Variants in TNS1 observed in about 807,000 individuals in gnomAD.
The protein encoded by TNS1 is tensin-1.
Under a neutral mutation model 168.6 loss-of-function variants are expected in TNS1, and 62 were observed. The ratio of observed to expected loss-of-function variants is 0.37; its 90% CI spans 0.30 to 0.45. TNS1 has a LOEUF of 0.45. Ranked by LOEUF, TNS1 falls within the 20% of genes least tolerant of loss-of-function variation. The pLI, the probability that TNS1 is intolerant of heterozygous loss-of-function variation, is 1.00. For missense variants in TNS1, 2,240 were observed against 2,339.4 expected (o/e 0.96, Z 0.88); for synonymous variants, 934 against 933.2 (o/e 1.00, Z -0.02).
chr2:217,906,679 C>A (rs989060158), intron 5 of TNS1, among the ~76,000 whole-genome samples: 13 of 152,108 alleles, frequency 8.5e-5, no homozygotes, highest in Non-Finnish European at 1.8e-4. Flanking sequence ...ATAATTAGAA[C>A]CTTGGCAGAG....
At position 217,848,656 on chromosome 2, in the gene TNS1, G is replaced by C; in HGVS notation, c.1861C>G (p.Arg621Gly). 6.2e-7 allele frequency: 1 copy of C among 1,614,198 alleles called. No homozygotes were observed. The highest frequency in any genetic ancestry group is 8.5e-7 in the Non-Finnish European group (1 of 1,180,032). ...HVNGGALASE[R>G]ETDILDDELP... ...TCATCGTCCAGGATGTCTGTCTCCC[G>C]CTCAGATGCTAACGCCCCACCATTG... The change falls in exon 19 of 33, where the codon CGG (arginine) becomes GGG (glycine). Residue 621 changes from arginine to glycine, a missense_variant. Transcript: ENST00000682258.
chr2:217,822,603 C>G (rs567086497), intron 22 of TNS1, among the ~76,000 whole-genome samples: 4 of 152,252 alleles, frequency 2.6e-5, no homozygotes, highest in Non-Finnish European at 5.9e-5. Context: ...TCGCCCACCT[C>G]TGGCATTCCT....
At chr2:217,890,381 G>A (rs1477729157) in intron 12 of TNS1, 1 of 152,592 alleles carries the variant, frequency 6.6e-6, no homozygotes, top group Non-Finnish European at 1.5e-5. Context: ...ACTTTTTCCT[G>A]TTCACCCAGA....
At chr2:217,898,020 G>T (rs567655513) in intron 7 of TNS1, 51 bp from the exon 8 acceptor site, 5 of 1,540,102 alleles carry the variant, frequency 3.2e-6, no homozygotes, top group Non-Finnish European at 4.4e-6. Context: ...CAGCCCACAG[G>T]GAAGGCCCCA....
intron 27 of TNS1, 58 bp from the exon 28 acceptor site, chr2:217,812,503 C>G: frequency 7.0e-7 from 1 of 1,426,392 alleles, no homozygotes. Context: ...GAAGGGAAAC[C>G]TCCACCTCTA....
intron 1 of TNS1, 52 bp downstream of exon 1, chr2:218,002,788 G>C: frequency 2.2e-6 from 1 of 456,428 alleles, no homozygotes; most frequent in South Asian, 1.5e-5. Flanking sequence ...GGCCGGTGGG[G>C]GGCGGGGGGT....
intron 17 of TNS1, 154 bp from the exon 18 acceptor site, chr2:217,881,168 T>C (rs1950648323): frequency 3.3e-6 from 2 of 611,162 alleles, no homozygotes; most frequent in Non-Finnish European, 5.8e-6. Context: ...GCGGGACCAG[T>C]GGCTTAAGCT....
chr2:217,983,374 G>C (rs1451377691), intron 2 of TNS1, among the ~76,000 whole-genome samples: 3 of 152,150 alleles, frequency 2.0e-5, no homozygotes, highest in Non-Finnish European at 4.4e-5. Context: ...TCCAACCGGA[G>C]CTCCATGGAG....
At chr2:217,959,025 G>A (rs1957432130) in intron 3 of TNS1, among the ~76,000 whole-genome samples, 1 of 152,210 alleles carries the variant, frequency 6.6e-6, no homozygotes, top group Admixed American at 6.5e-5. Flanking sequence ...CCAGGGTCCT[G>A]TGTCCTGGGA....
At chr2:217,923,981 C>T in intron 3 of TNS1, among the ~76,000 whole-genome samples, 1 of 152,210 alleles carries the variant, frequency 6.6e-6, no homozygotes, top group South Asian at 2.1e-4. Flanking sequence ...GCAGACTCCC[C>T]CAGGACATGA....
At position 217,818,569 on chromosome 2, in the gene TNS1, G is replaced by C; in HGVS notation, c.3763C>G (p.Leu1255Val). 6.2e-7 allele frequency: 1 copy of C among 1,614,204 alleles called. No homozygotes were observed. The highest frequency in any genetic ancestry group is 8.5e-7 in the Non-Finnish European group (1 of 1,180,008). ...GSSYSSPDYS[L>V]QHFSSSPESQ... is the part of the protein sequence containing the mutation. Reference sequence around the variant, plus strand: ...TCCGGAGAGGAGCTGAAATGCTGAAGTGAGTAGTCGGGGCTGCTGTAGCTA... The same window carrying C: ...TCCGGAGAGGAGCTGAAATGCTGAACTGAGTAGTCGGGGCTGCTGTAGCTA... The change falls in exon 24 of 33, where the codon CTT becomes GTT. Residue 1255 changes from leucine (L) to valine (V), a missense_variant. Leu to Val is a conservative substitution (Grantham distance 32). Around this residue, in one of 2 missense-constraint regions of TNS1, gnomAD observed 2,131 missense variants for 2,171.2 expected, o/e 0.98. Coordinates refer to ENST00000682258, the MANE Select transcript of TNS1 (RefSeq NM_001387777.1).
chr2:217,893,887 A>T (rs538623040), intron 9 of TNS1, among the ~76,000 whole-genome samples: 1 of 152,338 alleles, frequency 6.6e-6, no homozygotes, highest in Non-Finnish European at 1.5e-5. Flanking sequence ...AAAGGCTTGG[A>T]GCTGATGACC....
At chr2:217,852,994 C>T (rs376898989) in intron 18 of TNS1, among the ~76,000 whole-genome samples, 9 of 152,226 alleles carry the variant, frequency 5.9e-5, no homozygotes, top group African/African-American at 2.2e-4. Context: ...TCTGCTGAAA[C>T]CCCAGCATAG....
At chr2:217,901,115 T>G (rs1226057400) in intron 6 of TNS1, among the ~76,000 whole-genome samples, 11 of 151,994 alleles carry the variant, frequency 7.2e-5, no homozygotes, top group Non-Finnish European at 1.6e-4. Flanking sequence ...TCTCACCCAC[T>G]CCCCTTTTCA....
chr2:217,837,872 G>A (rs1559204024), intron 19 of TNS1, among the ~76,000 whole-genome samples: 1 of 152,224 alleles, frequency 6.6e-6, no homozygotes, highest in Non-Finnish European at 1.5e-5. Context: ...TTTGGGAAGG[G>A]TGGGCAGCTT....
intron 18 of TNS1, among the ~76,000 whole-genome samples, chr2:217,878,562 G>A (rs1280984488): frequency 6.6e-6 from 1 of 152,166 alleles, no homozygotes; most frequent in East Asian, 1.9e-4. Flanking sequence ...CATGGCTGGT[G>A]CATGGTAAAT....
chr2:218,001,514 C>T (rs914774617), intron 1 of TNS1, among the ~76,000 whole-genome samples: 3 of 152,136 alleles, frequency 2.0e-5, no homozygotes, highest in African/African-American at 7.2e-5. Context: ...CGTCTACCTG[C>T]CATCCTTCTT....
intron 3 of TNS1, among the ~76,000 whole-genome samples, chr2:217,930,845 C>T (rs1370106850): frequency 6.6e-6 from 1 of 152,162 alleles, no homozygotes; most frequent in Non-Finnish European, 1.5e-5. Context: ...AGGAAAACCC[C>T]ACCCCTTCTC....
At chr2:217,962,208 C>G (rs762649185) in intron 3 of TNS1, among the ~76,000 whole-genome samples, 1 of 152,216 alleles carries the variant, frequency 6.6e-6, no homozygotes, top group African/African-American at 2.4e-5. Flanking sequence ...CTTTGGGATG[C>G]CGAGGCGGGT....
Sources: allele counts gnomAD v4.1 joint callset (sites outside exome capture counted in the v4.1 genomes callset), GRCh38; gene constraint gnomAD v4.1.1; regional missense constraint gnomAD v4.1.1; transcripts MANE v1.5; gene names NCBI Gene and HGNC (gene_info 2026-07-23, HGNC 2026-07-21).